The following USH2A variants were observed in gnomAD, a reference collection of about 807,000 sequenced individuals.
USH2A encodes Usher syndrome 2A (autosomal recessive, mild).
Under a neutral mutation model 538.9 loss-of-function variants are expected in USH2A, and 443 were observed. The observed-to-expected ratio is 0.82, with a 90% confidence interval of 0.76 to 0.89. USH2A has a LOEUF of 0.89. USH2A is among the 40% of genes least tolerant of loss of function. The probability of loss-of-function intolerance (pLI) is 0.00; values close to 1 mark genes in which losing one functional copy is unlikely to be tolerated. For missense variants in USH2A, 6,633 were observed against 6,324.8 expected (o/e 1.05, Z -1.65); for synonymous variants, 2,413 against 2,273.5 (o/e 1.06, Z -1.75).
intron 64 of USH2A, 112 bp from the exon 65 acceptor site, chr1:215,650,913 C>A (rs2102645305): frequency 8.8e-7 from 1 of 1,132,594 alleles, no homozygotes; most frequent in African/African-American, 1.6e-5. Context: ...CAACTAAACA[C>A]AACAGGAAGA....
At chr1:216,245,499 GA>G (rs2036021393) in intron 13 of USH2A, among the ~76,000 whole-genome samples, 4 of 151,534 alleles carry the variant, frequency 2.6e-5, no homozygotes, top group Non-Finnish European at 5.9e-5. Flanking sequence ...GAGAGAGAGA[GA>G]GAGAGAGAGA....
chr1:215,741,387 T>C lies in USH2A; in HGVS notation c.11699A>G (p.Tyr3900Cys), dbSNP rs1386612395. ...PEKPNGIIIN[Y>C]FIYRRPAGIE... ...CAGCCAATCTTACCTGTAAATAAAGTAGTTGATGATGATTCCATTTGGTTT... is the reference window on the plus strand; with the variant it reads ...CAGCCAATCTTACCTGTAAATAAAGCAGTTGATGATGATTCCATTTGGTTT... The change falls in exon 60 of 72, where the codon TAC becomes TGC. Residue 3900 changes from tyrosine to cysteine, a missense_variant. Physicochemically the swap from Tyr to Cys is radical, Grantham distance 194. Coordinates refer to ENST00000307340, the MANE Select transcript of USH2A (RefSeq NM_206933.4). The C allele has an allele frequency of 4.3e-6, 7 of 1,613,944 alleles. No individual in the cohort carries two copies. The highest frequency in any genetic ancestry group is 5.9e-6 in the Non-Finnish European group (7 of 1,180,016).
At chr1:216,067,948 C>T (rs2031434013) in intron 30 of USH2A, among the ~76,000 whole-genome samples, 2 of 151,950 alleles carry the variant, frequency 1.3e-5, no homozygotes, top group African/African-American at 4.8e-5. Flanking sequence ...AGAAGACGGC[C>T]CAGTTCTAAA....
At chr1:215,716,188 G>A (rs1269438829) in intron 61 of USH2A, among the ~76,000 whole-genome samples, 1 of 151,698 alleles carries the variant, frequency 6.6e-6, no homozygotes, top group Non-Finnish European at 1.5e-5. Context: ...CATCTGGAAA[G>A]AGTGGAAGGG....
chr1:215,798,764 T>C, intron 50 of USH2A, 143 bp downstream of exon 50: 1 of 974,284 alleles, frequency 1.0e-6, no homozygotes, highest in Non-Finnish European at 1.6e-6. Flanking sequence ...TGTTATGTGT[T>C]AAACAATATG....
intron 60 of USH2A, among the ~76,000 whole-genome samples, chr1:215,737,003 G>A (rs957953267): frequency 1.1e-4 from 16 of 151,874 alleles, no homozygotes; most frequent in African/African-American, 1.4e-4. Flanking sequence ...TATACTTACC[G>A]TAAGAATATT....
chr1:216,017,907 G>T (rs1668755839), intron 32 of USH2A, among the ~76,000 whole-genome samples: 1 of 152,126 alleles, frequency 6.6e-6, no homozygotes, highest in Non-Finnish European at 1.5e-5. Context: ...AGAAAGTAAT[G>T]AATCTCTATC....
At chr1:215,903,955 T>A (rs2102472748) in intron 38 of USH2A, among the ~76,000 whole-genome samples, 1 of 152,272 alleles carries the variant, frequency 6.6e-6, no homozygotes, top group Non-Finnish European at 1.5e-5. Context: ...TATTTTTATC[T>A]ATGAACACAA....
intron 65 of USH2A, among the ~76,000 whole-genome samples, chr1:215,650,234 C>A (rs904684353): frequency 6.6e-6 from 1 of 152,182 alleles, no homozygotes; most frequent in African/African-American, 2.4e-5. Context: ...CCAATAATTA[C>A]CATTTGCCAA....
intron 60 of USH2A, among the ~76,000 whole-genome samples, chr1:215,738,883 T>C (rs1660226534): frequency 6.6e-6 from 1 of 152,162 alleles, no homozygotes; most frequent in Non-Finnish European, 1.5e-5. Flanking sequence ...GCTATAACTA[T>C]ATAAAGGGCT....
intron 37 of USH2A, among the ~76,000 whole-genome samples, chr1:215,949,699 AT>A (rs1666865496): frequency 6.6e-6 from 1 of 152,100 alleles, no homozygotes; most frequent in Non-Finnish European, 1.5e-5. Context: ...CGGAGAAAAT[AT>A]TTTTTATAAA....
chr1:215,638,161 A>T (rs1476091711), intron 69 of USH2A, among the ~76,000 whole-genome samples: 4 of 152,210 alleles, frequency 2.6e-5, no homozygotes, highest in African/African-American at 9.6e-5. Context: ...AATTGGCTGA[A>T]TATTTTCTTT....
intron 38 of USH2A, among the ~76,000 whole-genome samples, chr1:215,916,437 TACA>T (rs1179065940): frequency 5.3e-5 from 8 of 152,120 alleles, no homozygotes; most frequent in African/African-American, 1.7e-4. Flanking sequence ...CTGAAGGTGG[TACA>T]ACATTTATCT....
chr1:215,817,541 C>T (rs969141028), intron 47 of USH2A, among the ~76,000 whole-genome samples: 1 of 151,998 alleles, frequency 6.6e-6, no homozygotes, highest in African/African-American at 2.4e-5. Context: ...ATGCCTACTT[C>T]TAACCTGCTT....
chr1:216,316,340 C>G (rs1185777544), intron 9 of USH2A, among the ~76,000 whole-genome samples: 1 of 152,078 alleles, frequency 6.6e-6, no homozygotes, highest in Admixed American at 6.6e-5. Flanking sequence ...ATGAATATAG[C>G]AATGAACAGC....
At chr1:216,325,749 C>T in intron 5 of USH2A, 150 bp from the exon 6 acceptor site, 1 of 775,808 alleles carries the variant, frequency 1.3e-6, no homozygotes, top group Non-Finnish European at 2.0e-6. Context: ...TAAAATAAAA[C>T]TTATTTTTGG....
chr1:216,167,145 T>A (rs1024043708), intron 21 of USH2A, among the ~76,000 whole-genome samples: 1 of 152,066 alleles, frequency 6.6e-6, no homozygotes, highest in Non-Finnish European at 1.5e-5. Flanking sequence ...GGTTTTCATA[T>A]TATTACTTAA....
chr1:216,248,922 T>C (rs2036104414), intron 12 of USH2A, among the ~76,000 whole-genome samples: 1 of 152,116 alleles, frequency 6.6e-6, no homozygotes, highest in Non-Finnish European at 1.5e-5. Flanking sequence ...TTCTCCCTTT[T>C]TATTCTAGAT....
chr1:215,671,774 C>T (rs1436280355), intron 63 of USH2A, among the ~76,000 whole-genome samples: 4 of 152,100 alleles, frequency 2.6e-5, no homozygotes, highest in Non-Finnish European at 5.9e-5. Flanking sequence ...GTCCTGGACT[C>T]CTACCTTTGC....
Sources: gnomAD v4.1 joint callset for allele counts (sites outside exome capture counted in the v4.1 genomes callset) on GRCh38, gnomAD v4.1.1 for gene constraint, MANE v1.5 for transcripts, NCBI Gene and HGNC (gene_info 2026-07-23, HGNC 2026-07-21) for gene names.